Variants in DPP6 observed in about 807,000 individuals in gnomAD.
DPP6 encodes the protein dipeptidyl peptidase like 6, also known as A-type potassium channel modulatory protein DPP6.
A neutral mutation model predicts 122.6 loss-of-function variants in DPP6; 69 were observed. The ratio of observed to expected loss-of-function variants is 0.56; its 90% CI spans 0.46 to 0.69. The LOEUF (loss-of-function observed/expected upper bound fraction) is 0.69. DPP6 is among the 30% of genes least tolerant of loss of function. The pLI is 0.00. For missense variants in DPP6, 928 were observed against 1,116.9 expected (o/e 0.83, Z 2.41); for synonymous variants, 418 against 433.1 (o/e 0.97, Z 0.43).
chr7:154,434,326 G>A (rs1818685318), intron 1 of DPP6, among the ~76,000 whole-genome samples: 1 of 152,154 alleles, frequency 6.6e-6, no homozygotes, highest in Non-Finnish European at 1.5e-5. Flanking sequence ...TTCTCCTTTT[G>A]TGACACTGCA....
rs555075317 is a variant in DPP6, at chr7:154,011,883, C to T, written c.51+124149C>T. Among the ~76,000 whole-genome samples, 753 of 152,096 alleles carry T rather than the reference C, an allele frequency of 5.0e-3. 3 individuals carry two copies. The highest frequency in any genetic ancestry group is 0.012 in the African/African-American group (487 of 41,436). On this transcript the variant is annotated intron_variant, in intron 1 of 25. Coordinates refer to the DPP6 transcript ENST00000404039. ...AGAGATGCAAACATTCCTACTATCA[C>T]AGAACTAGTAAGCTGGAGAACAGAC...
At chr7:153,997,593 GCA>G (rs3980023) in intron 1 of DPP6, among the ~76,000 whole-genome samples, 22 of 146,082 alleles carry the variant, frequency 1.5e-4, no homozygotes, top group African/African-American at 1.8e-4. Flanking sequence ...TGAGTGCACA[GCA>G]CACACACACA....
chr7:154,210,114 T>A (rs1799662109), intron 1 of DPP6, among the ~76,000 whole-genome samples: 1 of 152,160 alleles, frequency 6.6e-6, no homozygotes, highest in Non-Finnish European at 1.5e-5. Flanking sequence ...AAGAAAGGGA[T>A]TCATTACAGG....
rs562258456 is a variant in DPP6, at chr7:154,703,462, T to C, written c.763-24305T>C. 1.8e-3 allele frequency among the ~76,000 whole-genome samples: 280 copies of C among 151,666 alleles called. 2 individuals carry two copies. The highest frequency in any genetic ancestry group is 6.5e-3 in the African/African-American group (270 of 41,324). ...GGCAAAACCCCATCTCTACTAAAAA[T>C]ACAAAAATTAGCCAGGCATGATGGT... On this transcript the variant is annotated intron_variant, in intron 7 of 25. Coordinates refer to ENST00000377770, the MANE Select transcript of DPP6 (RefSeq NM_130797.4).
intron 6 of DPP6, among the ~76,000 whole-genome samples, chr7:154,645,226 C>T (rs886372868): frequency 7.9e-5 from 12 of 151,700 alleles, no homozygotes; most frequent in African/African-American, 1.7e-4. Flanking sequence ...CCACCACGCC[C>T]GGCTAATTTT....
chr7:154,313,941 G>C (rs1159750875), intron 1 of DPP6, among the ~76,000 whole-genome samples: 1 of 151,408 alleles, frequency 6.6e-6, no homozygotes, highest in Non-Finnish European at 1.5e-5. Flanking sequence ...TTAAAGAAGA[G>C]ATTAACCAAT....
At chr7:154,171,501 T>A (rs1797532803) in intron 1 of DPP6, among the ~76,000 whole-genome samples, 1 of 152,162 alleles carries the variant, frequency 6.6e-6, no homozygotes, top group African/African-American at 2.4e-5. Context: ...CCTTCATGAG[T>A]CCCTGCTGGG....
intron 1 of DPP6, among the ~76,000 whole-genome samples, chr7:154,260,817 TATA>T (rs1384817866): frequency 6.6e-6 from 1 of 151,392 alleles, no homozygotes. Flanking sequence ...ATCTTTTTCA[TATA>T]ATTACTTATT....
At chr7:153,884,704 C>T (rs192611624), upstream of DPP6, among the ~76,000 whole-genome samples, 170 of 152,046 alleles carry the variant, frequency 1.1e-3, no homozygotes, top group African/African-American at 3.5e-3. Context: ...GTCGGCCGGG[C>T]GCAGTGGCTC....
intron 3 of DPP6, among the ~76,000 whole-genome samples, chr7:154,490,712 T>G (rs73729306): frequency 0.057 from 8,672 of 152,248 alleles, 810 homozygotes; most frequent in African/African-American, 0.19. Context: ...GTGTTGTATC[T>G]AACGTGTTGC....
chr7:153,961,764 T>C (rs955664041), intron 1 of DPP6, among the ~76,000 whole-genome samples: 10 of 118,954 alleles, frequency 8.4e-5, no homozygotes, highest in African/African-American at 3.7e-4. Context: ...TGACAGATCA[T>C]CAGGCATTGG....
the DPP6 span, among the ~76,000 whole-genome samples, chr7:153,778,170 G>A: frequency 1.3e-5 from 2 of 150,098 alleles, no homozygotes; most frequent in Non-Finnish European, 2.9e-5. Flanking sequence ...GAATACATTA[G>A]TAAATGCATT....
intron 1 of DPP6, among the ~76,000 whole-genome samples, chr7:154,210,824 T>C (rs1161807270): frequency 1.7e-5 from 2 of 120,734 alleles, no homozygotes; most frequent in African/African-American, 2.5e-5. Flanking sequence ...ATAGTGGTAA[T>C]TGTGCAAAAA....
At chr7:153,964,249 G>T (rs1367014189) in intron 1 of DPP6, among the ~76,000 whole-genome samples, 1 of 152,074 alleles carries the variant, frequency 6.6e-6, no homozygotes, top group Non-Finnish European at 1.5e-5. Flanking sequence ...ACCTGCCTCG[G>T]CCTCCCAAAG....
At chr7:154,449,621 A>G (rs1202659526) in intron 2 of DPP6, among the ~76,000 whole-genome samples, 4 of 152,204 alleles carry the variant, frequency 2.6e-5, no homozygotes, top group Non-Finnish European at 5.9e-5. Context: ...ATGTTCATAT[A>G]GAAACTAGTA....
At chr7:154,851,870 G>A (rs1370520554) in intron 16 of DPP6, among the ~76,000 whole-genome samples, 1 of 152,150 alleles carries the variant, frequency 6.6e-6, no homozygotes, top group Non-Finnish European at 1.5e-5. Flanking sequence ...ACCACGTTGG[G>A]GAAAAGGGCC....
At chr7:153,809,864 T>C in the DPP6 span, among the ~76,000 whole-genome samples, 1 of 139,602 alleles carries the variant, frequency 7.2e-6, no homozygotes, top group Admixed American at 7.0e-5. Context: ...CATGAGTTAA[T>C]TGATGTGAGA....
intron 1 of DPP6, among the ~76,000 whole-genome samples, chr7:154,395,491 A>G (rs79023060): frequency 0.045 from 6,835 of 152,214 alleles, 248 homozygotes; most frequent in East Asian, 0.14. Context: ...TTAATTCCTA[A>G]GTATTTTATT....
At chr7:154,367,736 G>A (rs895472949) in intron 1 of DPP6, among the ~76,000 whole-genome samples, 2 of 152,240 alleles carry the variant, frequency 1.3e-5, no homozygotes, top group African/African-American at 4.8e-5. Context: ...ATGAGTAAGT[G>A]TAAATATAAT....
Sources: allele counts gnomAD v4.1 joint callset (sites outside exome capture counted in the v4.1 genomes callset), GRCh38; gene constraint gnomAD v4.1.1; transcripts MANE v1.5; gene names NCBI Gene and HGNC (gene_info 2026-07-23, HGNC 2026-07-21).